The following WDR88 variants were observed in gnomAD, a reference collection of about 807,000 sequenced individuals.
The protein encoded by WDR88 is WD repeat domain 88, also known as WD repeat-containing protein 88.
A neutral mutation model predicts 46.8 loss-of-function variants in WDR88; 40 were observed. That is an observed-to-expected ratio of 0.86 (90% CI 0.66 to 1.11). The LOEUF is 1.11. WDR88 is among the 50% of genes most tolerant of loss of function. The probability of loss-of-function intolerance (pLI) is 0.00; values close to 1 mark genes in which losing one functional copy is unlikely to be tolerated. For synonymous variants in WDR88, 235 were observed against 240.7 expected, an observed-to-expected ratio of 0.98 and a Z score of 0.22; for missense variants, 562 against 602.4, an observed-to-expected ratio of 0.93 and a Z score of 0.70.
intron 9 of WDR88, among the ~76,000 whole-genome samples, chr19:33,169,057 A>G (rs377113459): frequency 1.3e-5 from 2 of 152,300 alleles, no homozygotes; most frequent in East Asian, 3.9e-4. Context: ...AAAGAATGAA[A>G]TTGCACCCTT....
At chr19:33,156,654 G>T in intron 7 of WDR88, 112 bp downstream of exon 7, 1 of 1,262,630 alleles carries the variant, frequency 7.9e-7, no homozygotes. Flanking sequence ...TGACAGGGAG[G>T]GCGGATTCTT....
At position 33,141,233 on chromosome 19, in the gene WDR88, T is replaced by TTTTTTTTG. The variant is rs1568360182; in HGVS notation, c.387+3453_387+3454insGTTTTTTT. 1.0e-4 allele frequency among the ~76,000 whole-genome samples: 11 copies of TTTTTTTTG among 107,854 alleles called. No individual in the cohort carries two copies. The South Asian group carries it at 4.2e-3, about 41-fold the overall frequency. 70.8% of individuals were successfully genotyped at this position (107,854 alleles called of 152,430 possible). ...ATTACAGGTGTGGGAGCATGTTTTT[T>TTTTTTTTG]TTTTTTTCTTTTTTGACACAGGATC... On this transcript the variant is annotated intron_variant, in intron 2 of 10. Coordinates refer to ENST00000355868, the MANE Select transcript of WDR88 (RefSeq NM_173479.4).
intron 9 of WDR88, among the ~76,000 whole-genome samples, chr19:33,171,990 C>G (rs990547512): frequency 2.6e-5 from 4 of 152,128 alleles, no homozygotes; most frequent in Non-Finnish European, 2.9e-5. Context: ...TCAGGCTGGT[C>G]TTGAACTCCT....
chr19:33,159,142 G>A (rs1303906659), intron 7 of WDR88, among the ~76,000 whole-genome samples: 1 of 151,126 alleles, frequency 6.6e-6, no homozygotes, highest in African/African-American at 2.4e-5. Context: ...ATCAGCCTGG[G>A]CAACATAGTG....
chr19:33,174,699 T>A (rs1568374241), intron 10 of WDR88: 2 of 985,296 alleles, frequency 2.0e-6, no homozygotes, highest in Admixed American at 1.2e-4. Flanking sequence ...CAGGGAGTCA[T>A]CCTCTTAGTC....
chr19:33,150,204 C>A (rs962110862), intron 5 of WDR88, among the ~76,000 whole-genome samples: 5 of 152,122 alleles, frequency 3.3e-5, no homozygotes, highest in African/African-American at 1.2e-4. Context: ...GTAATCCCAG[C>A]ACTTTGGGAG....
intron 8 of WDR88, 68 bp downstream of exon 8, chr19:33,160,564 G>A: frequency 6.5e-7 from 1 of 1,532,368 alleles, no homozygotes; most frequent in Non-Finnish European, 9.0e-7. Flanking sequence ...GCTCAATGCT[G>A]GTTGCTGGGG....
chr19:33,135,410 T>C (rs753850189), intron 1 of WDR88, among the ~76,000 whole-genome samples: 1 of 152,192 alleles, frequency 6.6e-6, no homozygotes, highest in South Asian at 2.1e-4. Flanking sequence ...TTCTGTTGCA[T>C]GGCCATGACA....
chr19:33,150,734 A>C (rs1188982979), intron 5 of WDR88, among the ~76,000 whole-genome samples: 1 of 152,038 alleles, frequency 6.6e-6, no homozygotes, highest in African/African-American at 2.4e-5. Context: ...CATGCTTCAG[A>C]CTCCAGCTTT....
intron 2 of WDR88, among the ~76,000 whole-genome samples, chr19:33,144,117 A>G (rs1289995514): frequency 6.6e-6 from 1 of 152,168 alleles, no homozygotes; most frequent in African/African-American, 2.4e-5. Flanking sequence ...CCCCACGGAC[A>G]CTGATCATTC....
chr19:33,161,033 TGTG>T (rs1325125712), intron 8 of WDR88, among the ~76,000 whole-genome samples: 1 of 151,582 alleles, frequency 6.6e-6, no homozygotes, highest in Non-Finnish European at 1.5e-5. Flanking sequence ...ATCAGCCGGG[TGTG>T]GTGGTGCAAA....
At chr19:33,155,839 C>T (rs2145398990) in intron 6 of WDR88, among the ~76,000 whole-genome samples, 1 of 152,332 alleles carries the variant, frequency 6.6e-6, no homozygotes, top group East Asian at 1.9e-4. Context: ...GGGTTCCTGG[C>T]ATCTAGCCAG....
At chr19:33,140,068 C>A (rs1226247873) in intron 2 of WDR88, among the ~76,000 whole-genome samples, 2 of 152,160 alleles carry the variant, frequency 1.3e-5, no homozygotes, top group Admixed American at 6.5e-5. Flanking sequence ...CCCACAGAGC[C>A]CAGAGCCTCA....
At chr19:33,174,781 G>T in intron 10 of WDR88, 3 of 985,436 alleles carry the variant, frequency 3.0e-6, no homozygotes, top group South Asian at 9.4e-5. Flanking sequence ...CTGTCAAGGG[G>T]CTTGCCACGC....
chr19:33,165,289 G>A (rs1973935030), intron 9 of WDR88, among the ~76,000 whole-genome samples: 1 of 152,016 alleles, frequency 6.6e-6, no homozygotes, highest in Admixed American at 6.6e-5. Flanking sequence ...AAATCCAGGA[G>A]ACTGTGGGAG....
chr19:33,140,772 G>A (rs117825266), intron 2 of WDR88, among the ~76,000 whole-genome samples: 18,009 of 151,408 alleles, frequency 0.12, 1,218 homozygotes, highest in South Asian at 0.2. Flanking sequence ...CCTGGGCGAC[G>A]GTGGGAGACT....
intron 9 of WDR88, among the ~76,000 whole-genome samples, chr19:33,169,111 A>T (rs1217258806): frequency 6.6e-6 from 1 of 152,222 alleles, no homozygotes; most frequent in Non-Finnish European, 1.5e-5. Flanking sequence ...CAAACACCTT[A>T]ACTTGAGAGC....
At chr19:33,141,938 C>A (rs1158627376) in intron 2 of WDR88, among the ~76,000 whole-genome samples, 3 of 152,176 alleles carry the variant, frequency 2.0e-5, no homozygotes, top group South Asian at 2.1e-4. Flanking sequence ...GCCTTGGCCT[C>A]CCAAAGTGCT....
At chr19:33,162,497 A>G (rs1973885587) in intron 8 of WDR88, among the ~76,000 whole-genome samples, 1 of 151,816 alleles carries the variant, frequency 6.6e-6, no homozygotes, top group Non-Finnish European at 1.5e-5. Flanking sequence ...ACAGGCATGG[A>G]GCACCGCGCC....
Sources: gnomAD v4.1 joint callset for allele counts (sites outside exome capture counted in the v4.1 genomes callset) on GRCh38, gnomAD v4.1.1 for gene constraint, MANE v1.5 for transcripts, NCBI Gene and HGNC (gene_info 2026-07-23, HGNC 2026-07-21) for gene names.